TRPM3: variants seen among roughly 807,000 people sequenced by gnomAD.
TRPM3 encodes long transient receptor potential channel 3.
In TRPM3, 77 loss-of-function variants were observed where a neutral mutation model predicts 181.2. That is an observed-to-expected ratio of 0.42 (90% CI 0.35 to 0.51). The LOEUF is 0.51. Among genes scored for constraint, TRPM3 ranks in the 20% least tolerant of loss-of-function variants. The pLI is 0.01. For synonymous variants in TRPM3, 745 were observed against 796.4 expected (o/e 0.94, Z 1.09); for missense variants, 1,759 against 2,196.7 (o/e 0.80, Z 3.98).
intron 1 of TRPM3, among the ~76,000 whole-genome samples, chr9:71,069,617 T>TC (rs34344356): frequency 0.23 from 34,562 of 150,022 alleles, 4,725 homozygotes; most frequent in East Asian, 0.33. Context: ...TCTTTTTTTT[T>TC]TTTTTTTTTG....
chr9:70,746,267 CAGAGAGAGAG>C (rs61445272), intron 8 of TRPM3, among the ~76,000 whole-genome samples: 9 of 149,204 alleles, frequency 6.0e-5, no homozygotes, highest in Non-Finnish European at 1.2e-4. Context: ...AAAACAAAAA[CAGAGAGAGAG>C]AGAGAGAGAG....
At chr9:70,584,028 A>C (rs2056584728) in intron 22 of TRPM3, among the ~76,000 whole-genome samples, 1 of 151,936 alleles carries the variant, frequency 6.6e-6, no homozygotes, top group Non-Finnish European at 1.5e-5. Flanking sequence ...ACTGAATACA[A>C]ACTCCTCTGC....
intron 1 of TRPM3, among the ~76,000 whole-genome samples, chr9:71,203,058 G>C (rs2078904422): frequency 6.6e-6 from 1 of 152,208 alleles, no homozygotes; most frequent in South Asian, 2.1e-4. Flanking sequence ...GGTTGCAAAT[G>C]GATGGCCTGC....
chr9:71,296,988 CTTTTTTT>C (rs398010878), intron 1 of TRPM3, among the ~76,000 whole-genome samples: 2 of 97,872 alleles, frequency 2.0e-5, no homozygotes, highest in African/African-American at 3.8e-5. Flanking sequence ...TGAATCTTTT[CTTTTTTT>C]TTTTTTTTTT....
chr9:71,393,992 GA>G (rs897729365), intron 1 of TRPM3, among the ~76,000 whole-genome samples: 26 of 150,986 alleles, frequency 1.7e-4, no homozygotes, highest in Middle Eastern at 3.4e-3. Flanking sequence ...TTACAATACA[GA>G]AAAAAAAATG....
At chr9:70,652,107 C>T (rs11142531) in intron 9 of TRPM3, among the ~76,000 whole-genome samples, 23,041 of 152,016 alleles carry the variant, frequency 0.15, 2,313 homozygotes, top group East Asian at 0.4. Context: ...AATTGGCAAG[C>T]ATTTTCTTGG....
At chr9:70,737,508 A>T (rs2134728319) in intron 8 of TRPM3, among the ~76,000 whole-genome samples, 1 of 69,280 alleles carries the variant, frequency 1.4e-5, no homozygotes, top group East Asian at 3.8e-4. Context: ...AGCATGATGA[A>T]TATAATAGTA....
chr9:70,667,325 G>A (rs553313278), intron 9 of TRPM3, among the ~76,000 whole-genome samples: 1 of 152,084 alleles, frequency 6.6e-6, no homozygotes, highest in Non-Finnish European at 1.5e-5. Flanking sequence ...TATTTCTTGG[G>A]AAGATCAAAA....
At chr9:70,573,667 C>CA (rs201036161) in intron 22 of TRPM3, among the ~76,000 whole-genome samples, 13 of 151,242 alleles carry the variant, frequency 8.6e-5, no homozygotes, top group Middle Eastern at 3.2e-3. Context: ...TAAAGTTTCC[C>CA]AAAAAAAAGG....
chr9:71,107,596 G>A (rs1022990159), intron 1 of TRPM3, among the ~76,000 whole-genome samples: 1 of 152,150 alleles, frequency 6.6e-6, no homozygotes, highest in African/African-American at 2.4e-5. Context: ...GATGATTGTA[G>A]AATGAATAAG....
intron 1 of TRPM3, among the ~76,000 whole-genome samples, chr9:71,378,980 G>C (rs975218408): frequency 1.3e-5 from 2 of 151,936 alleles, no homozygotes; most frequent in African/African-American, 4.8e-5. Context: ...CTATGGGTTT[G>C]AAGATACAAA....
At chr9:70,579,753 A>G (rs574551129) in intron 22 of TRPM3, among the ~76,000 whole-genome samples, 2 of 152,334 alleles carry the variant, frequency 1.3e-5, no homozygotes, top group East Asian at 3.9e-4. Flanking sequence ...AGCGTAGAAG[A>G]CAGTGTTTGG....
rs187257822 is a variant in TRPM3, at chr9:70,552,659, C to T, written c.3574+185G>A. On this transcript the variant is annotated intron_variant, in intron 24 of 25. Coordinates refer to ENST00000677713, the MANE Select transcript of TRPM3 (RefSeq NM_001366145.2). ...GCTCAATTTCAGCCTCTACCATCTT[C>T]TTTCTGACATTATTTCTCATTCAAG... is the stretch of plus-strand genomic sequence containing the variant. Among the ~76,000 whole-genome samples the T allele has an allele frequency of 2.9e-4, 44 of 152,296 alleles. No homozygotes were observed. The East Asian group carries it at 7.3e-3, about 25-fold the overall frequency.
chr9:71,206,603 G>C lies in TRPM3; in HGVS notation c.183+240050C>G, dbSNP rs146011924. 5.9e-5 allele frequency among the ~76,000 whole-genome samples: 9 copies of C among 152,202 alleles called. No homozygotes were observed. The East Asian group carries it at 1.2e-3, about 20-fold the overall frequency. On this transcript the variant is annotated intron_variant, in intron 1 of 24. Coordinates refer to the TRPM3 transcript ENST00000357533. ...TCTTTAGTTTAATTAGATCACATTT[G>C]TCAATTTTAGCTTGTGTTGTCATTG...
At chr9:71,430,016 T>C (rs1163479587) in intron 1 of TRPM3, among the ~76,000 whole-genome samples, 1 of 152,132 alleles carries the variant, frequency 6.6e-6, no homozygotes. Flanking sequence ...TCTCCTTAGC[T>C]CAAATGGTGC....
At chr9:71,135,089 T>C (rs1321437326) in intron 1 of TRPM3, among the ~76,000 whole-genome samples, 2 of 152,338 alleles carry the variant, frequency 1.3e-5, no homozygotes, top group South Asian at 2.1e-4. Flanking sequence ...CATGCTCAAA[T>C]TATGTTAGTG....
At position 70,926,375 on chromosome 9, in the gene TRPM3, C is replaced by A. The variant is rs553544257; in HGVS notation, c.178-61864G>T. Among the ~76,000 whole-genome samples, 198 of 152,112 alleles carry A rather than the reference C, an allele frequency of 1.3e-3. 1 individual carries two copies. Among genetic ancestry groups the A allele is most frequent in the Non-Finnish European group, 2.4e-3 (163 of 67,998 alleles). On this transcript the variant is annotated intron_variant, in intron 1 of 25. Coordinates refer to ENST00000677713, the MANE Select transcript of TRPM3 (RefSeq NM_001366145.2). ...GTATTTATCTGTAAAAATTTGTGGC[C>A]ATATAATGCAGAGATACTAATGCAT...
chr9:71,221,777 G>C (rs1361834793), intron 1 of TRPM3, among the ~76,000 whole-genome samples: 1 of 152,170 alleles, frequency 6.6e-6, no homozygotes, highest in Non-Finnish European at 1.5e-5. Flanking sequence ...GCTAATTCCA[G>C]AGCCTATGTG....
chr9:71,137,175 T>C (rs1384057095), intron 1 of TRPM3, among the ~76,000 whole-genome samples: 1 of 152,116 alleles, frequency 6.6e-6, no homozygotes. Flanking sequence ...TATTTTGTGG[T>C]TTTCCTTTAA....
Sources: allele counts gnomAD v4.1 joint callset (sites outside exome capture counted in the v4.1 genomes callset), GRCh38; gene constraint gnomAD v4.1.1; transcripts MANE v1.5; gene names NCBI Gene and HGNC (gene_info 2026-07-23, HGNC 2026-07-21).